The following RBFOX1 variants were observed in gnomAD, a reference collection of about 807,000 sequenced individuals.
The protein encoded by RBFOX1 is RNA binding protein fox-1 homolog 1.
Under a neutral mutation model 57.7 loss-of-function variants are expected in RBFOX1, and 8 were observed. That is an observed-to-expected ratio of 0.14 (90% CI 0.08 to 0.25). RBFOX1 has a LOEUF of 0.25. RBFOX1 is among the 10% of genes least tolerant of loss of function. The probability of loss-of-function intolerance (pLI) is 1.00; values close to 1 mark genes in which losing one functional copy is unlikely to be tolerated. For synonymous variants in RBFOX1, 326 were observed against 222.4 expected (o/e 1.47, Z -4.15); for missense variants, 611 against 548.5 (o/e 1.11, Z -1.14).
chr16:6,866,128 C>T (rs1435262019), intron 3 of RBFOX1, among the ~76,000 whole-genome samples: 1 of 152,134 alleles, frequency 6.6e-6, no homozygotes, highest in African/African-American at 2.4e-5. Flanking sequence ...CTTTCCCCAG[C>T]TCTTTTTCTA....
At chr16:6,372,643 G>A (rs919335111) in intron 2 of RBFOX1, among the ~76,000 whole-genome samples, 1 of 151,774 alleles carries the variant, frequency 6.6e-6, no homozygotes, top group Non-Finnish European at 1.5e-5. Context: ...GGGTGGAAAG[G>A]AGAATGGGTG....
intron 2 of RBFOX1, among the ~76,000 whole-genome samples, chr16:5,596,657 T>A (rs1024813352): frequency 1.3e-5 from 2 of 152,232 alleles, no homozygotes; most frequent in African/African-American, 2.4e-5. Flanking sequence ...AATCTGCTAT[T>A]GCGCTTAACT....
At chr16:5,468,392 C>A (rs550417617) in intron 2 of RBFOX1, among the ~76,000 whole-genome samples, 1 of 152,178 alleles carries the variant, frequency 6.6e-6, no homozygotes, top group Non-Finnish European at 1.5e-5. Context: ...AGTCTGCATT[C>A]TGTCTCTGTG....
At chr16:5,851,160 ACC>A (rs2056888609) in intron 3 of RBFOX1, among the ~76,000 whole-genome samples, 1 of 151,956 alleles carries the variant, frequency 6.6e-6, no homozygotes, top group African/African-American at 2.4e-5. Context: ...GTGAAGCCAG[ACC>A]CTATGACGGT....
At chr16:7,204,393 G>T (rs192018611) in intron 4 of RBFOX1, among the ~76,000 whole-genome samples, 9 of 148,080 alleles carry the variant, frequency 6.1e-5, no homozygotes, top group Non-Finnish European at 1.3e-4. Flanking sequence ...TGAAATCCCA[G>T]TACTTTGAGA....
chr16:5,806,331 C>T (rs1361885894), intron 3 of RBFOX1, among the ~76,000 whole-genome samples: 1 of 152,156 alleles, frequency 6.6e-6, no homozygotes, highest in Admixed American at 6.5e-5. Context: ...CTGGTGAGGG[C>T]CTTCCTCCTG....
At position 5,896,683 on chromosome 16, in the gene RBFOX1, A is replaced by T. The variant is rs571584894; in HGVS notation, c.351+29348A>T. 3.3e-5 allele frequency among the ~76,000 whole-genome samples: 5 copies of T among 152,292 alleles called. No individual in the cohort carries two copies. The South Asian group carries it at 1.0e-3, about 32-fold the overall frequency. On this transcript the variant is annotated intron_variant, in intron 4 of 19. Coordinates refer to the RBFOX1 transcript ENST00000641259. Reference sequence around the variant, plus strand: ...GACTAAGACATATCGTCATGTCATTAGCTGAGGTTTGCCTGCAGGGTTGGG... The same window carrying T: ...GACTAAGACATATCGTCATGTCATTTGCTGAGGTTTGCCTGCAGGGTTGGG...
chr16:7,289,312 G>C (rs2095713036), intron 4 of RBFOX1, among the ~76,000 whole-genome samples: 1 of 151,908 alleles, frequency 6.6e-6, no homozygotes, highest in African/African-American at 2.4e-5. Context: ...AACAGGGCTG[G>C]CTGTCTTTCC....
chr16:7,045,312 A>G (rs947656307), intron 3 of RBFOX1, among the ~76,000 whole-genome samples: 3 of 152,226 alleles, frequency 2.0e-5, no homozygotes, highest in African/African-American at 7.2e-5. Context: ...TCACTAGAAT[A>G]TAAGCAAAAT....
chr16:6,613,203 C>A (rs965803506), intron 2 of RBFOX1, among the ~76,000 whole-genome samples: 1 of 152,102 alleles, frequency 6.6e-6, no homozygotes, highest in Non-Finnish European at 1.5e-5. Context: ...CATCAGCTTC[C>A]AAGCAGCTCC....
chr16:7,565,084 G>A (rs548236895), intron 5 of RBFOX1, among the ~76,000 whole-genome samples: 1 of 152,192 alleles, frequency 6.6e-6, no homozygotes, highest in Admixed American at 6.5e-5. Context: ...ATCTGCACGA[G>A]CCCCGTTTTG....
At chr16:7,050,896 G>A (rs1244835902) in intron 3 of RBFOX1, among the ~76,000 whole-genome samples, 2 of 151,922 alleles carry the variant, frequency 1.3e-5, no homozygotes, top group African/African-American at 4.8e-5. Context: ...ATATTTCTGG[G>A]TAAAAGGGCA....
At chr16:5,363,449 C>A (rs1298503821) in intron 1 of RBFOX1, among the ~76,000 whole-genome samples, 1 of 152,154 alleles carries the variant, frequency 6.6e-6, no homozygotes, top group Non-Finnish European at 1.5e-5. Context: ...ATTTTATCCT[C>A]CTTCTCTAGC....
intron 4 of RBFOX1, among the ~76,000 whole-genome samples, chr16:7,433,575 G>A (rs147383181): frequency 2.2e-3 from 333 of 152,290 alleles, no homozygotes; most frequent in Non-Finnish European, 3.8e-3. Flanking sequence ...AGTCTTAAGG[G>A]GTTCATGTCA....
intron 4 of RBFOX1, among the ~76,000 whole-genome samples, chr16:7,361,868 CGT>C (rs142358223): frequency 0.12 from 16,576 of 142,806 alleles, 1,229 homozygotes; most frequent in African/African-American, 0.23. Flanking sequence ...TGTGTTAGTG[CGT>C]GTGTTTTGTG....
chr16:6,280,228 G>T (rs2076234027), intron 1 of RBFOX1, among the ~76,000 whole-genome samples: 1 of 152,130 alleles, frequency 6.6e-6, no homozygotes, highest in Non-Finnish European at 1.5e-5. Flanking sequence ...GTTGGTCCGT[G>T]GCCTGAGTGG....
intron 1 of RBFOX1, among the ~76,000 whole-genome samples, chr16:6,107,400 A>C (rs545055164): frequency 6.6e-6 from 1 of 152,044 alleles, no homozygotes; most frequent in African/African-American, 2.4e-5. Context: ...CTCAGGGTAC[A>C]TATCTTTGTG....
At chr16:7,345,605 C>G (rs1056600402) in intron 4 of RBFOX1, among the ~76,000 whole-genome samples, 1 of 152,112 alleles carries the variant, frequency 6.6e-6, no homozygotes, top group East Asian at 1.9e-4. Flanking sequence ...ATACAGAACG[C>G]CAGTCATCAG....
chr16:6,723,965 A>T (rs12596055), intron 3 of RBFOX1: 4 of 151,926 alleles, frequency 2.6e-5, no homozygotes, highest in Non-Finnish European at 5.9e-5. Flanking sequence ...CCCATTGCTG[A>T]GGGCAAGTAG....
Sources: gnomAD v4.1 joint callset for allele counts (sites outside exome capture counted in the v4.1 genomes callset) on GRCh38, gnomAD v4.1.1 for gene constraint, MANE v1.5 for transcripts, NCBI Gene and HGNC (gene_info 2026-07-23, HGNC 2026-07-21) for gene names.